Variants in CELF6 observed in about 807,000 individuals in gnomAD.
CELF6 encodes the protein CUGBP Elav-like family member 6, also known as Bruno -like 6, RNA binding protein.
A neutral mutation model predicts 53.1 loss-of-function variants in CELF6; 32 were observed. The observed-to-expected ratio is 0.60, with a 90% CI of 0.46 to 0.81. The LOEUF is 0.81. Ranked by LOEUF, CELF6 falls within the 30% of genes least tolerant of loss-of-function variation. The pLI is 0.00. For synonymous variants in CELF6, 291 were observed against 288.8 expected, an observed-to-expected ratio of 1.01 and a Z score of -0.08; for missense variants, 539 against 669.5, an observed-to-expected ratio of 0.81 and a Z score of 2.15.
At chr15:72,313,624 G>A (rs144546954) in intron 2 of CELF6, 39 of 230,280 alleles carry the variant, frequency 1.7e-4, no homozygotes, top group African/African-American at 8.6e-4. Context: ...CCATGCTCAC[G>A]TGGGCCTCCC....
intron 2 of CELF6, among the ~76,000 whole-genome samples, chr15:72,306,967 A>C (rs1354674688): frequency 2.0e-5 from 3 of 151,674 alleles, no homozygotes; most frequent in Non-Finnish European, 1.5e-5. Flanking sequence ...ACTGGTGGAG[A>C]GGGGAAGGAA....
intron 2 of CELF6, chr15:72,313,635 C>A: frequency 2.9e-6 from 1 of 339,880 alleles, no homozygotes; most frequent in Non-Finnish European, 4.2e-6. Context: ...TGGGCCTCCC[C>A]CACAGTGCCA....
chr15:72,291,168 A>G (rs1032977198), intron 3 of CELF6, among the ~76,000 whole-genome samples: 1 of 152,056 alleles, frequency 6.6e-6, no homozygotes, highest in African/African-American at 2.4e-5. Flanking sequence ...CACCCTTTCT[A>G]TGGGAGTGGC....
chr15:72,295,741 A>G (rs1439131128), intron 3 of CELF6, among the ~76,000 whole-genome samples: 1 of 152,016 alleles, frequency 6.6e-6, no homozygotes, highest in Non-Finnish European at 1.5e-5. Flanking sequence ...AAAAAAAAAA[A>G]AAATTAAGAA....
chr15:72,290,699 C>T (rs1171939842), intron 3 of CELF6, among the ~76,000 whole-genome samples: 1 of 152,156 alleles, frequency 6.6e-6, no homozygotes, highest in Admixed American at 6.5e-5. Flanking sequence ...GAAGTACATC[C>T]TTGCTGGTCA....
chr15:72,308,509 G>A (rs1022300294), intron 2 of CELF6, among the ~76,000 whole-genome samples: 1 of 152,114 alleles, frequency 6.6e-6, no homozygotes, highest in African/African-American at 2.4e-5. Context: ...TTACAGGTGT[G>A]AGCCACCGCA....
chr15:72,303,671 A>T (rs1368870771), intron 3 of CELF6, among the ~76,000 whole-genome samples: 1 of 152,176 alleles, frequency 6.6e-6, no homozygotes. Context: ...ACCCAAGATA[A>T]AGAGTCAGCA....
intron 1 of CELF6, among the ~76,000 whole-genome samples, chr15:72,316,997 C>G (rs2088371612): frequency 6.6e-6 from 1 of 152,090 alleles, no homozygotes; most frequent in South Asian, 2.1e-4. Flanking sequence ...ATGAAAAGGA[C>G]AGTGATTATT....
intron 3 of CELF6, chr15:72,292,184 T>G: frequency 6.5e-7 from 1 of 1,531,366 alleles, no homozygotes; most frequent in South Asian, 1.2e-5. Flanking sequence ...GGAAAGCCCT[T>G]TGAAATTACT....
At chr15:72,304,504 C>G (rs1393589126) in intron 3 of CELF6, among the ~76,000 whole-genome samples, 1 of 152,184 alleles carries the variant, frequency 6.6e-6, no homozygotes. Context: ...CCCCCTTTCT[C>G]TATCACTGGC....
chr15:72,293,253 G>A (rs564901862), intron 3 of CELF6, among the ~76,000 whole-genome samples: 1 of 152,240 alleles, frequency 6.6e-6, no homozygotes, highest in Non-Finnish European at 1.5e-5. Context: ...TGAGCCTCAG[G>A]TGACCCAGAA....
At chr15:72,294,476 C>T (rs1258544720) in intron 3 of CELF6, among the ~76,000 whole-genome samples, 1 of 152,166 alleles carries the variant, frequency 6.6e-6, no homozygotes, top group African/African-American at 2.4e-5. Context: ...CATAAGAAGC[C>T]ACGGGGAAAG....
intron 1 of CELF6, among the ~76,000 whole-genome samples, chr15:72,317,256 C>A (rs1179318083): frequency 6.6e-6 from 1 of 152,040 alleles, no homozygotes; most frequent in Non-Finnish European, 1.5e-5. Flanking sequence ...TCAAAAGGAG[C>A]ATTCTGAGTG....
chr15:72,296,562 G>A (rs1019062789), intron 3 of CELF6, among the ~76,000 whole-genome samples: 1 of 152,048 alleles, frequency 6.6e-6, no homozygotes, highest in Non-Finnish European at 1.5e-5. Context: ...TAAAGAACTC[G>A]TACAACTAAA....
intron 2 of CELF6, 53 bp downstream of exon 2, chr15:72,315,792 G>T: frequency 7.9e-7 from 1 of 1,273,610 alleles, no homozygotes; most frequent in Non-Finnish European, 1.1e-6. Context: ...CATGCACACA[G>T]GGCACTGTCC....
chr15:72,315,152 T>G (rs901261932), intron 2 of CELF6, among the ~76,000 whole-genome samples: 1 of 152,256 alleles, frequency 6.6e-6, no homozygotes, highest in Non-Finnish European at 1.5e-5. Context: ...ACACCGCTTC[T>G]TGGACAAGAG....
intron 3 of CELF6, among the ~76,000 whole-genome samples, chr15:72,297,488 T>C (rs73438496): frequency 6.6e-6 from 1 of 152,318 alleles, no homozygotes; most frequent in African/African-American, 2.4e-5. Flanking sequence ...GCCAAAAGGT[T>C]GAAGGTACCC....
At chr15:72,300,997 T>TTC (rs1347127129) in intron 3 of CELF6, among the ~76,000 whole-genome samples, 2 of 152,144 alleles carry the variant, frequency 1.3e-5, no homozygotes, top group African/African-American at 4.8e-5. Context: ...TGATTTTTTT[T>TTC]TTTTAAGACA....
intron 3 of CELF6, among the ~76,000 whole-genome samples, chr15:72,301,524 T>G (rs2088155138): frequency 6.6e-6 from 1 of 152,156 alleles, no homozygotes; most frequent in African/African-American, 2.4e-5. Context: ...TAACCAATGG[T>G]AAACTAAGGG....
Sources: gnomAD v4.1 joint callset for allele counts (sites outside exome capture counted in the v4.1 genomes callset) on GRCh38, gnomAD v4.1.1 for gene constraint, MANE v1.5 for transcripts, NCBI Gene and HGNC (gene_info 2026-07-23, HGNC 2026-07-21) for gene names.